WDR36: variants seen among roughly 807,000 people sequenced by gnomAD.
WDR36 encodes the protein WD repeat-containing protein 36.
A neutral mutation model predicts 112.7 loss-of-function variants in WDR36; 63 were observed. That is an observed-to-expected ratio of 0.56 (90% CI 0.46 to 0.69). The LOEUF (loss-of-function observed/expected upper bound fraction) is 0.69, where lower values mean the gene tolerates loss of function less well. WDR36 is among the 30% of genes least tolerant of loss of function. The pLI, the probability that WDR36 is intolerant of heterozygous loss-of-function variation, is 0.00. For missense variants in WDR36, 1,226 were observed against 1,070.3 expected, an observed-to-expected ratio of 1.15 and a Z score of -2.03; for synonymous variants, 410 against 362.2, an observed-to-expected ratio of 1.13 and a Z score of -1.50.
At position 111,097,112 on chromosome 5, in the gene WDR36, C is replaced by G. The variant is rs778033080; in HGVS notation, c.224C>G (p.Ala75Gly). Residue 75 changes from alanine to glycine, a missense_variant, in exon 3 of 23, where the codon GCA becomes GGA. Physicochemically the swap from Ala to Gly is moderately conservative, Grantham distance 60 (BLOSUM62 0). Transcript: ENST00000513710. ...GTTCCACAGGATATCTGCTGTATGG[C>G]AGCTGATGGCAGATTAGTCTTTGCT... ...NSVPQDICCM[A>G]ADGRLVFAAY... The G allele has an allele frequency of 1.9e-6, 3 of 1,613,572 alleles. No individual in the cohort carries two copies. The highest frequency in any genetic ancestry group is 2.5e-6 in the Non-Finnish European group (3 of 1,179,708).
At chr5:111,112,741 C>A (rs1459362951) in intron 15 of WDR36, among the ~76,000 whole-genome samples, 1 of 151,766 alleles carries the variant, frequency 6.6e-6, no homozygotes, top group African/African-American at 2.4e-5. Context: ...CCTTATCACA[C>A]ACATAAACAT....
At chr5:111,110,690 C>T in intron 13 of WDR36, 98 bp from the exon 14 acceptor site, 1 of 1,296,938 alleles carries the variant, frequency 7.7e-7, no homozygotes, top group Non-Finnish European at 1.1e-6. Context: ...ATTTAAGTGG[C>T]ACCTTACATA....
Position 111,095,152 on chromosome 5 carries a change from C to A in WDR36, c.190+205C>A, listed in dbSNP as rs370084849. 4.7e-5 allele frequency: 26 copies of A among 556,300 alleles called. 1 individual carries two copies. The highest frequency in any genetic ancestry group is 3.9e-4 in the East Asian group (13 of 32,946). 34.5% of individuals were successfully genotyped at this position (556,300 alleles called of 1,614,324 possible). ...TATCTTTATTTTCTTTAATCTGGAACTGTTCTTTAGACTTTCTTTGTGCTT... is the reference window on the plus strand; with the variant it reads ...TATCTTTATTTTCTTTAATCTGGAAATGTTCTTTAGACTTTCTTTGTGCTT... On this transcript the variant is annotated intron_variant, in intron 2 of 22. Coordinates refer to ENST00000513710, the MANE Select transcript of WDR36 (RefSeq NM_139281.3).
chr5:111,119,794 C>A (rs1334389106), intron 17 of WDR36, among the ~76,000 whole-genome samples: 1 of 152,034 alleles, frequency 6.6e-6, no homozygotes, highest in African/African-American at 2.4e-5. Context: ...GAAACAGACC[C>A]TGTTCACCTT....
At position 111,123,870 on chromosome 5, in the gene WDR36, T is replaced by A; in HGVS notation, c.2214T>A (p.Ile738=). ...CAGCACCATTTTTCATTCCAACAAT[T>A]CCTGGCCTTGTACCCAGATATGCTG... ...PKSAPFFIPT[I]PGLVPRYAAP... is the part of the protein sequence containing the mutation. Residue 738 remains isoleucine (I), a synonymous_variant, in exon 20 of 23, where the codon ATT becomes ATA. Transcript: ENST00000513710. 2 of 1,613,910 alleles carry A rather than the reference T, an allele frequency of 1.2e-6. No individual in the cohort carries two copies. Among genetic ancestry groups the A allele is most frequent in the Non-Finnish European group, 1.7e-6 (2 of 1,179,910 alleles).
At chr5:111,104,615 T>C in intron 8 of WDR36, 82 bp from the exon 9 acceptor site, 2 of 1,596,974 alleles carry the variant, frequency 1.3e-6, no homozygotes, top group Non-Finnish European at 1.7e-6. Flanking sequence ...TCAATACCAG[T>C]TGATTTATGT....
At chr5:111,100,940 C>T (rs1753109947) in intron 5 of WDR36, among the ~76,000 whole-genome samples, 2 of 151,902 alleles carry the variant, frequency 1.3e-5, no homozygotes, top group South Asian at 4.1e-4. Flanking sequence ...TAAAACATCA[C>T]ATTTTAAAGT....
Position 111,092,584 on chromosome 5 carries a change from C to T in WDR36, c.128C>T (p.Thr43Ile), listed in dbSNP as rs1008014139. 3.7e-6 allele frequency: 6 copies of T among 1,613,954 alleles called. No homozygotes were observed. Among genetic ancestry groups the T allele is most frequent in the African/African-American group, 1.3e-5 (1 of 74,964 alleles). Residue 43 changes from threonine (T) to isoleucine (I), a missense_variant, in exon 1 of 23, where the codon ACA (threonine) becomes ATA (isoleucine). By Grantham distance (89) the Thr-to-Ile change is moderately conservative (BLOSUM62 -1). Transcript: ENST00000513710. Reference sequence around the variant, plus strand: ...GCGCTCAAGCGCCGGTTCTATGTAACAACCTGCGTGGGCAAGAGTTTCCAC... The same window carrying T: ...GCGCTCAAGCGCCGGTTCTATGTAATAACCTGCGTGGGCAAGAGTTTCCAC... ...FSALKRRFYV[T>I]TCVGKSFHTY...
chr5:111,125,287 C>A (rs1753655272), intron 21 of WDR36, among the ~76,000 whole-genome samples: 1 of 152,122 alleles, frequency 6.6e-6, no homozygotes, highest in African/African-American at 2.4e-5. Flanking sequence ...TTAGGATTTA[C>A]TCTGAGAGAA....
chr5:111,095,112 C>T (rs1752947866), intron 2 of WDR36, 165 bp downstream of exon 2: 2 of 649,468 alleles, frequency 3.1e-6, no homozygotes, highest in South Asian at 3.8e-5. Context: ...TCATGTTTTG[C>T]TTTTAGTTGT....
At chr5:111,126,154 G>C (rs1313220014) in intron 22 of WDR36, among the ~76,000 whole-genome samples, 2 of 151,894 alleles carry the variant, frequency 1.3e-5, no homozygotes, top group South Asian at 2.1e-4. Context: ...CCAATGTGCT[G>C]AACCATTAAC....
rs142668116 is a variant in WDR36 at position 111,123,787 on chromosome 5, T to C, written c.2149-18T>C. ...GCAAGATAATTCCTATTTTTCTTTC[T>C]CATTTTCTCTTAATCAGAAAAAGAA... On this transcript the variant is annotated intron_variant, in intron 19 of 22. Transcript: ENST00000513710. The C allele has an allele frequency of 1.3e-4, 205 of 1,612,870 alleles. 1 individual carries two copies. In the African/African-American group the frequency reaches 2.5e-3, roughly 20 times the overall value.
intron 17 of WDR36, among the ~76,000 whole-genome samples, chr5:111,119,374 G>A (rs552176847): frequency 6.6e-6 from 1 of 152,228 alleles, no homozygotes; most frequent in Non-Finnish European, 1.5e-5. Context: ...TTTGCAGAAA[G>A]AATGAGTGAT....
At chr5:111,104,062 T>G (rs527331658) in intron 7 of WDR36, 115 bp from the exon 8 acceptor site, 3 of 1,375,238 alleles carry the variant, frequency 2.2e-6, no homozygotes, top group South Asian at 2.6e-5. Context: ...ATGAATAGAT[T>G]ATTGGTATAT....
chr5:111,125,523 C>G, intron 21 of WDR36, 85 bp from the exon 22 acceptor site: 1 of 1,330,268 alleles, frequency 7.5e-7, no homozygotes, highest in South Asian at 1.3e-5. Flanking sequence ...TTAAATATAT[C>G]CTATTTGGGG....
At chr5:111,094,197 G>C (rs1752929306) in intron 1 of WDR36, among the ~76,000 whole-genome samples, 1 of 152,206 alleles carries the variant, frequency 6.6e-6, no homozygotes, top group African/African-American at 2.4e-5. Flanking sequence ...TGGTGGTAGT[G>C]ATGGTAGTAG....
chr5:111,113,212 A>G, intron 16 of WDR36, 59 bp downstream of exon 16: 2 of 1,112,280 alleles, frequency 1.8e-6, no homozygotes, highest in Non-Finnish European at 2.7e-6. Context: ...TTTTTTTCAC[A>G]TGTGACTTTT....
At chr5:111,119,205 TG>T (rs1432087028) in intron 17 of WDR36, 85 bp downstream of exon 17, 7 of 1,026,848 alleles carry the variant, frequency 6.8e-6, no homozygotes, top group African/African-American at 1.6e-5. Flanking sequence ...TCATTTAGGC[TG>T]TTTTTAAGTG....
In WDR36 at chr5:111,128,903, C is replaced by A; in HGVS notation, c.*2020C>A. On this transcript the variant is annotated 3_prime_UTR_variant, in exon 23 of 23. Transcript: ENST00000513710. ...GAAAACCATCTTCAGTCCCAATATC[C>A]TCTGTAGAAGTAATAGTTTTAACTC... 1 of 192,422 alleles carries A rather than the reference C, an allele frequency of 5.2e-6. No homozygotes were observed. The highest frequency in any genetic ancestry group is 1.1e-5 in the Non-Finnish European group (1 of 92,100). 11.9% of individuals were successfully genotyped at this position (192,422 alleles called of 1,614,324 possible).
Sources: gnomAD v4.1 joint callset for allele counts (sites outside exome capture counted in the v4.1 genomes callset) on GRCh38, gnomAD v4.1.1 for gene constraint, MANE v1.5 for transcripts, NCBI Gene and HGNC (gene_info 2026-07-23, HGNC 2026-07-21) for gene names.